The following GTF3C1 variants were observed in gnomAD, a reference collection of about 807,000 sequenced individuals.
GTF3C1 encodes general transcription factor IIIC subunit 1.
In GTF3C1, 57 loss-of-function variants were observed where a neutral mutation model predicts 226.7. The observed-to-expected ratio is 0.25, with a 90% CI of 0.20 to 0.31. The LOEUF (loss-of-function observed/expected upper bound fraction) is 0.31. Among genes scored for constraint, GTF3C1 ranks in the 10% least tolerant of loss-of-function variants. GTF3C1 has a pLI of 1.00. For synonymous variants in GTF3C1, 1,090 were observed against 1,084.8 expected (o/e 1.00, Z -0.09); for missense variants, 2,217 against 2,776.1 (o/e 0.80, Z 4.53).
chr16:27,475,502 A>G (rs2087938478), intron 29 of GTF3C1, among the ~76,000 whole-genome samples: 3 of 152,102 alleles, frequency 2.0e-5, no homozygotes. Flanking sequence ...GGGGAGAACG[A>G]GGCCCTGGGC....
chr16:27,469,637 G>T lies in GTF3C1; in HGVS notation c.4815-87C>A. 1 of 1,468,304 alleles carries T rather than the reference G, an allele frequency of 6.8e-7. No individual in the cohort carries two copies. The allele number at this position is 1,468,304 out of a possible 1,614,324, so 91.0% of individuals were successfully genotyped here. ...TCCCCTCCCTCAAGAGGCCTCTGTG[G>T]CTGGGCTTCAGCAGTGGCCCCAGCA... On this transcript the variant is annotated intron_variant, in intron 31 of 36. Transcript: ENST00000356183. The surrounding 1 kb of genome is among the most constrained non-coding windows in gnomAD (Gnocchi z 4.5).
chr16:27,500,702 C>T (rs1330467581), intron 12 of GTF3C1, among the ~76,000 whole-genome samples: 2 of 152,186 alleles, frequency 1.3e-5, no homozygotes, highest in Non-Finnish European at 2.9e-5. Flanking sequence ...AATGCATCCC[C>T]CCGCAAACTT....
chr16:27,528,496 T>G, intron 6 of GTF3C1, 102 bp downstream of exon 6: 1 of 896,886 alleles, frequency 1.1e-6, no homozygotes, highest in Non-Finnish European at 1.8e-6. Flanking sequence ...GAAATCATTA[T>G]GCCACAAGGC....
intron 32 of GTF3C1, among the ~76,000 whole-genome samples, chr16:27,468,318 T>C (rs560379522): frequency 6.6e-6 from 1 of 152,338 alleles, no homozygotes; most frequent in South Asian, 2.1e-4. Context: ...ACAAAGGATT[T>C]AGAATATTAC....
In GTF3C1 at chr16:27,511,790, A is replaced by C. The variant is rs1596644578; in HGVS notation, c.1085T>G (p.Ile362Ser). ...VISKTVPPVD[I>S]VFERDMLTQT... Reference sequence around the variant, plus strand: ...TGTGAGCATATCCCGCTCGAACACAATGTCCACTGGAGGCACTGTCTTGGA... The same window carrying C: ...TGTGAGCATATCCCGCTCGAACACACTGTCCACTGGAGGCACTGTCTTGGA... The change falls in exon 7 of 37, where the codon ATT (isoleucine) becomes AGT (serine). Residue 362 changes from isoleucine to serine, a missense_variant. Physicochemically the swap from Ile to Ser is moderately radical, Grantham distance 142. Coordinates refer to ENST00000356183, the MANE Select transcript of GTF3C1 (RefSeq NM_001520.4). 1 of 1,614,128 alleles carries C rather than the reference A, an allele frequency of 6.2e-7. No individual in the cohort carries two copies. The highest frequency in any genetic ancestry group is 8.5e-7 in the Non-Finnish European group (1 of 1,180,006).
chr16:27,535,327 CTT>C, intron 4 of GTF3C1, among the ~76,000 whole-genome samples: 1 of 152,298 alleles, frequency 6.6e-6, no homozygotes, highest in South Asian at 2.1e-4. Context: ...AATCCCAGCA[CTT>C]TGGGAGGCCG....
rs974898040 is a variant in GTF3C1, at chr16:27,488,480, CG to C, written c.3512-66del. 31 of 1,552,378 alleles carry C rather than the reference CG, an allele frequency of 2.0e-5. No individual in the cohort carries two copies. In the African/African-American group the frequency reaches 3.9e-4, roughly 20 times the overall value. On this transcript the variant is annotated intron_variant, in intron 22 of 36. Transcript: ENST00000356183. ...GCTGCAAAGGCCAGGAAGACCAAAC[CG>C]AACATAGGGTAGTCGTTTAGGCCCT...
At chr16:27,516,758 G>A (rs1047233627) in intron 6 of GTF3C1, among the ~76,000 whole-genome samples, 5 of 152,084 alleles carry the variant, frequency 3.3e-5, no homozygotes, top group South Asian at 4.1e-4. Context: ...CCTCACCTCC[G>A]AGTAGCTGGG....
chr16:27,517,335 T>G (rs1190671756), intron 6 of GTF3C1, among the ~76,000 whole-genome samples: 1 of 152,140 alleles, frequency 6.6e-6, no homozygotes, highest in East Asian at 1.9e-4. Flanking sequence ...TGTTCCAGAC[T>G]ACAAGTCAGC....
intron 4 of GTF3C1, 38 bp downstream of exon 4, chr16:27,537,746 A>AC: frequency 6.6e-7 from 1 of 1,511,464 alleles, no homozygotes; most frequent in South Asian, 1.2e-5. Context: ...CATGGCTGCA[A>AC]CTAAAAAACC....
intron 5 of GTF3C1, among the ~76,000 whole-genome samples, chr16:27,531,638 A>G (rs112599176): frequency 6.6e-6 from 1 of 152,230 alleles, no homozygotes; most frequent in African/African-American, 2.4e-5. Context: ...GTATCTGTTC[A>G]ATGAATAAGT....
Position 27,463,157 on chromosome 16 carries a change from G to A in GTF3C1, c.5924+384C>T, listed in dbSNP as rs146182325. 7.5e-4 allele frequency: 179 copies of A among 239,024 alleles called. No individual in the cohort carries two copies. Among genetic ancestry groups the A allele is most frequent in the African/African-American group, 3.5e-3 (153 of 43,550 alleles). The allele number at this position is 239,024 out of a possible 1,614,324, so 14.8% of individuals were successfully genotyped here. A position where few individuals can be genotyped will look rare whatever the true frequency, so the allele number is the denominator to read the frequency against. On this transcript the variant is annotated intron_variant, in intron 35 of 36. Transcript: ENST00000356183. This position sits in a 1 kb window ranked among gnomAD's most constrained non-coding sequence, Gnocchi z 4.9. ...CTTGCTTCCTGTAACTCTGTGGCAT[G>A]GTTGTCCCGGGGGCAGCTGGGCATT...
chr16:27,508,753 G>T, intron 7 of GTF3C1, 98 bp from the exon 8 acceptor site: 1 of 821,478 alleles, frequency 1.2e-6, no homozygotes, highest in Non-Finnish European at 2.0e-6. Flanking sequence ...TTTTGATGCT[G>T]TGAAATTAAC....
In GTF3C1 at chr16:27,465,493, T is replaced by C; in HGVS notation, c.5122A>G (p.Thr1708Ala). The C allele has an allele frequency of 6.2e-7, 1 of 1,604,936 alleles. No individual in the cohort carries two copies. The highest frequency in any genetic ancestry group is 8.5e-7 in the Non-Finnish European group (1 of 1,179,492). ...LTMGTSCLPD[T>A]FTKLINPQEN... ...TGGGGGTTTATCAGCTTGGTGAACG[T>C]ATCAGGGAGGCAGGAGGTTCCCATT... The change falls in exon 33 of 37, where the codon ACG (threonine) becomes GCG (alanine). Residue 1708 changes from threonine (T) to alanine (A), a missense_variant. Around this residue, in one of 12 missense-constraint regions of GTF3C1, gnomAD observed 455 missense variants for 441.9 expected, o/e 1.03. Transcript: ENST00000356183.
At chr16:27,498,185 T>C (rs556945712) in intron 13 of GTF3C1, among the ~76,000 whole-genome samples, 3 of 152,352 alleles carry the variant, frequency 2.0e-5, no homozygotes, top group South Asian at 4.1e-4. Flanking sequence ...TCCCACAAAC[T>C]ATCATGTGCA....
At chr16:27,499,551 G>T (rs899791627) in intron 12 of GTF3C1, among the ~76,000 whole-genome samples, 3 of 152,198 alleles carry the variant, frequency 2.0e-5, no homozygotes, top group Admixed American at 2.0e-4. Context: ...GAAAGATCTG[G>T]AAACAGGGGG....
At position 27,543,799 on chromosome 16, in the gene GTF3C1, T is replaced by G. The variant is rs1024638566; in HGVS notation, c.431+1515A>C. 2.0e-4 allele frequency among the ~76,000 whole-genome samples: 30 copies of G among 152,122 alleles called. 1 individual carries two copies. Among genetic ancestry groups the G allele is most frequent in the Admixed American group, 1.9e-3 (29 of 15,272 alleles). ...GCAGGAAGCCACTGGCACAAAAGCT[T>G]TGAGTCCTTAACAGTGTAGCAGGGT... On this transcript the variant is annotated intron_variant, in intron 2 of 36. Transcript: ENST00000356183.
At chr16:27,527,964 A>T (rs757167038) in intron 6 of GTF3C1, among the ~76,000 whole-genome samples, 6 of 144,664 alleles carry the variant, frequency 4.1e-5, no homozygotes, top group Non-Finnish European at 7.5e-5. Context: ...ACAGAGAAAG[A>T]CCCTGTCTCA....
intron 19 of GTF3C1, among the ~76,000 whole-genome samples, chr16:27,490,402 A>G (rs572156283): frequency 1.3e-5 from 2 of 152,348 alleles, no homozygotes; most frequent in East Asian, 3.9e-4. Flanking sequence ...CTCTCCTAGC[A>G]TGCTTGGAGA....
Sources: allele counts gnomAD v4.1 joint callset (sites outside exome capture counted in the v4.1 genomes callset), GRCh38; gene constraint gnomAD v4.1.1; regional missense constraint gnomAD v4.1.1; non-coding constraint Gnocchi (gnomAD v3.1); transcripts MANE v1.5; gene names NCBI Gene and HGNC (gene_info 2026-07-23, HGNC 2026-07-21).